Variants in ABLIM1 observed in about 807,000 individuals in gnomAD.
ABLIM1 encodes actin-binding LIM protein 1.
Under a neutral mutation model 107.0 loss-of-function variants are expected in ABLIM1, and 40 were observed. The observed-to-expected ratio is 0.37, with a 90% confidence interval of 0.29 to 0.49. The LOEUF is 0.49. Among genes scored for constraint, ABLIM1 ranks in the 20% least tolerant of loss-of-function variants. ABLIM1 has a pLI of 0.97. For synonymous variants in ABLIM1, 357 were observed against 357.3 expected, an observed-to-expected ratio of 1.00 and a Z score of 0.01; for missense variants, 857 against 1,008.5, an observed-to-expected ratio of 0.85 and a Z score of 2.04.
At chr10:114,675,876 T>C (rs2080460108) in intron 1 of ABLIM1, among the ~76,000 whole-genome samples, 1 of 152,176 alleles carries the variant, frequency 6.6e-6, no homozygotes, top group Non-Finnish European at 1.5e-5. Context: ...CCTTTCTTGG[T>C]TTGGAGATGG....
chr10:114,542,736 A>C (rs11196782), intron 6 of ABLIM1, among the ~76,000 whole-genome samples: 1 of 151,976 alleles, frequency 6.6e-6, no homozygotes, highest in Admixed American at 6.5e-5. Context: ...TCAGGCCCCA[A>C]TCAGGGCACT....
At chr10:114,497,420 C>T (rs1488636652) in intron 6 of ABLIM1, among the ~76,000 whole-genome samples, 1 of 151,996 alleles carries the variant, frequency 6.6e-6, no homozygotes, top group Admixed American at 6.5e-5. Context: ...TGGCTCATGC[C>T]TGTAATCCCA....
intron 1 of ABLIM1, among the ~76,000 whole-genome samples, chr10:114,694,270 T>C (rs188136723): frequency 1.2e-4 from 18 of 152,228 alleles, no homozygotes; most frequent in African/African-American, 3.4e-4. Context: ...CTGGCCCGGG[T>C]GCCACTCTGA....
intron 1 of ABLIM1, among the ~76,000 whole-genome samples, chr10:114,618,268 A>G (rs1161019367): frequency 1.3e-5 from 2 of 152,236 alleles, no homozygotes; most frequent in South Asian, 4.1e-4. Context: ...TTTCTTGTAC[A>G]ATGGTTTTTG....
At chr10:114,751,976 T>C (rs1320206764) in intron 1 of ABLIM1, among the ~76,000 whole-genome samples, 1 of 152,014 alleles carries the variant, frequency 6.6e-6, no homozygotes, top group East Asian at 1.9e-4. Flanking sequence ...CCCAAAACCT[T>C]CGAGCCATGA....
intron 1 of ABLIM1, among the ~76,000 whole-genome samples, chr10:114,722,536 T>G (rs2081871194): frequency 6.6e-6 from 1 of 152,198 alleles, no homozygotes; most frequent in African/African-American, 2.4e-5. Context: ...GATCCAAACT[T>G]CTAAATCAAG....
chr10:114,567,377 G>GAT (rs2070911882), intron 4 of ABLIM1, among the ~76,000 whole-genome samples: 1 of 152,212 alleles, frequency 6.6e-6, no homozygotes, highest in Non-Finnish European at 1.5e-5. Context: ...CTGAAAAGGG[G>GAT]ATAGTATTAG....
chr10:114,558,925 G>C (rs2069192940), intron 4 of ABLIM1, among the ~76,000 whole-genome samples: 1 of 152,018 alleles, frequency 6.6e-6, no homozygotes, highest in South Asian at 2.1e-4. Context: ...GTGTGTGTGT[G>C]TGTGTGTGTG....
intron 1 of ABLIM1, among the ~76,000 whole-genome samples, chr10:114,721,141 ACAAAG>A (rs2081836308): frequency 6.6e-6 from 1 of 152,236 alleles, no homozygotes; most frequent in South Asian, 2.1e-4. Context: ...GAGTAGCTTT[ACAAAG>A]TCTGGTTTGG....
rs115904235 is a variant in ABLIM1 at position 114,525,899 on chromosome 10, T to A, written c.894+19106A>T. The stretch of plus-strand genomic sequence containing the variant: ...CAGATGAAATAACTTTCTGGTCCCA[T>A]TTCTTCTTTCATGCTAGTATAGCAC... On this transcript the variant is annotated intron_variant, in intron 6 of 22. Coordinates refer to ENST00000533213, the MANE Select transcript of ABLIM1 (RefSeq NM_002313.7). Among the ~76,000 whole-genome samples, 849 of 152,346 alleles carry A rather than the reference T, an allele frequency of 5.6e-3. 4 individuals carry two copies. Among genetic ancestry groups the A allele is most frequent in the African/African-American group, 0.019 (799 of 41,574 alleles).
chr10:114,655,364 T>A (rs1484119009), intron 1 of ABLIM1, among the ~76,000 whole-genome samples: 1 of 152,236 alleles, frequency 6.6e-6, no homozygotes, highest in Admixed American at 6.5e-5. Context: ...TAAGTCATTA[T>A]CCAGCATGCT....
chr10:114,491,004 G>GTATATATATATA (rs1397165080), intron 7 of ABLIM1, among the ~76,000 whole-genome samples: 50 of 79,426 alleles, frequency 6.3e-4, no homozygotes, highest in East Asian at 3.0e-3. Flanking sequence ...GTGTGTGTGT[G>GTATATATATATA]TGTGTGTGTA....
chr10:114,623,808 T>C (rs1484208851), intron 1 of ABLIM1, among the ~76,000 whole-genome samples: 1 of 152,122 alleles, frequency 6.6e-6, no homozygotes, highest in African/African-American at 2.4e-5. Flanking sequence ...TCCTTAGAAG[T>C]ATTAAAAAAG....
the ABLIM1 span, among the ~76,000 whole-genome samples, chr10:114,784,197 T>C: frequency 2.0e-4 from 30 of 150,188 alleles, no homozygotes; most frequent in African/African-American, 6.2e-4. Flanking sequence ...AATACAAAAA[T>C]TAGCCAGGCT....
chr10:114,565,737 G>A (rs2070580383), intron 4 of ABLIM1, among the ~76,000 whole-genome samples: 1 of 148,320 alleles, frequency 6.7e-6, no homozygotes, highest in Non-Finnish European at 1.5e-5. Context: ...AATTGGAAAT[G>A]TCTGCCTCCC....
In ABLIM1 at chr10:114,684,552, T is replaced by A. The variant is rs551313672; in HGVS notation, c.-199A>T. On this transcript the variant is annotated 5_prime_UTR_variant, in exon 1 of 24. Transcript: ENST00000369256. ...AAGAATGAGGAGTTTCCTGAGTGAC[T>A]CTGGCTCCTTCCTCATGTACAGATT... The A allele has an allele frequency of 2.7e-5, 37 of 1,387,532 alleles. No individual in the cohort carries two copies. In the African/African-American group the frequency reaches 5.0e-4, roughly 19 times the overall value. 86.0% of individuals were successfully genotyped at this position (1,387,532 alleles called of 1,614,324 possible).
intron 7 of ABLIM1, among the ~76,000 whole-genome samples, chr10:114,489,508 G>A (rs939081255): frequency 6.6e-6 from 1 of 151,978 alleles, no homozygotes; most frequent in African/African-American, 2.4e-5. Context: ...TTAACCCAGG[G>A]CCAAAATAAA....
chr10:114,515,964 T>G (rs2062745380), intron 6 of ABLIM1, among the ~76,000 whole-genome samples: 1 of 152,210 alleles, frequency 6.6e-6, no homozygotes, highest in South Asian at 2.1e-4. Flanking sequence ...GAAATTAAAT[T>G]TGTCTTTTTT....
chr10:114,439,379 G>A, intron 20 of ABLIM1, 129 bp from the exon 21 acceptor site: 1 of 918,878 alleles, frequency 1.1e-6, no homozygotes, highest in Non-Finnish European at 1.7e-6. Context: ...TCATCTAAAT[G>A]ACCATGTATT....
Sources: gnomAD v4.1 joint callset for allele counts (sites outside exome capture counted in the v4.1 genomes callset) on GRCh38, gnomAD v4.1.1 for gene constraint, MANE v1.5 for transcripts, NCBI Gene and HGNC (gene_info 2026-07-23, HGNC 2026-07-21) for gene names.